The following NTRK2 variants were observed in gnomAD, a reference collection of about 807,000 sequenced individuals.
NTRK2 encodes the protein neurotrophic receptor tyrosine kinase 2.
NTRK2 carries 13 observed loss-of-function variants against 94.5 expected under a neutral mutation model. That is an observed-to-expected ratio of 0.14 (90% CI 0.09 to 0.22). The LOEUF is 0.22. NTRK2 is among the 10% of genes least tolerant of loss of function. The pLI, the probability that NTRK2 is intolerant of heterozygous loss-of-function variation, is 1.00. For missense variants in NTRK2, 639 were observed against 1,071.2 expected, an observed-to-expected ratio of 0.60 and a Z score of 5.63; for synonymous variants, 372 against 407.4, an observed-to-expected ratio of 0.91 and a Z score of 1.05.
intron 12 of NTRK2, among the ~76,000 whole-genome samples, chr9:84,760,143 T>C (rs2065422447): frequency 6.6e-6 from 1 of 152,184 alleles, no homozygotes. Context: ...GAATCAAACA[T>C]GCTTGAGTTT....
rs2077892538 is a variant in NTRK2, at chr9:84,928,269, T to C, written c.1634-5893T>C. 2.6e-5 allele frequency among the ~76,000 whole-genome samples: 4 copies of C among 152,246 alleles called. No individual in the cohort carries two copies. The South Asian group carries it at 8.3e-4, about 31-fold the overall frequency. On this transcript the variant is annotated intron_variant, in intron 14 of 18. Coordinates refer to ENST00000277120, the MANE Select transcript of NTRK2 (RefSeq NM_006180.6). ...GATTTTACCTGATTCAATATGCTGCTAATACATGAAGATATTTGGAAAATC... is the reference window on the plus strand; with the variant it reads ...GATTTTACCTGATTCAATATGCTGCCAATACATGAAGATATTTGGAAAATC...
At chr9:84,999,127 G>A (rs1830073892) in intron 17 of NTRK2, among the ~76,000 whole-genome samples, 1 of 152,218 alleles carries the variant, frequency 6.6e-6, no homozygotes, top group Non-Finnish European at 1.5e-5. Flanking sequence ...ATAGGAGGAT[G>A]AGGTTAAACA....
At chr9:84,794,602 C>T (rs78751633) in intron 12 of NTRK2, among the ~76,000 whole-genome samples, 6,463 of 152,186 alleles carry the variant, frequency 0.042, 205 homozygotes, top group South Asian at 0.12. Context: ...ATGTGCCTTG[C>T]GCAATACAGA....
chr9:84,926,186 C>CTTTCT (rs2077799852), intron 14 of NTRK2, among the ~76,000 whole-genome samples: 1 of 117,986 alleles, frequency 8.5e-6, no homozygotes, highest in Admixed American at 9.8e-5. Flanking sequence ...TTCTTTCTTT[C>CTTTCT]TTTCTTTCTT....
At chr9:84,675,878 C>T (rs1050598279) in intron 2 of NTRK2, among the ~76,000 whole-genome samples, 1 of 152,160 alleles carries the variant, frequency 6.6e-6, no homozygotes, top group Admixed American at 6.5e-5. Flanking sequence ...TCCCATATAA[C>T]TGGGTGCCTT....
intron 14 of NTRK2, among the ~76,000 whole-genome samples, chr9:84,915,853 T>C (rs1480033123): frequency 1.3e-5 from 2 of 152,180 alleles, no homozygotes; most frequent in African/African-American, 4.8e-5. Context: ...ACACTTGCTA[T>C]ATATGTGACT....
At chr9:84,980,373 A>G (rs1165069048) in intron 17 of NTRK2, among the ~76,000 whole-genome samples, 2 of 152,190 alleles carry the variant, frequency 1.3e-5, no homozygotes, top group Non-Finnish European at 2.9e-5. Context: ...CTTACTTAGG[A>G]TAAGTTCCCA....
intron 12 of NTRK2, among the ~76,000 whole-genome samples, chr9:84,755,239 G>A (rs181691544): frequency 2.0e-5 from 3 of 152,236 alleles, no homozygotes; most frequent in South Asian, 2.1e-4. Flanking sequence ...TGGATTCATC[G>A]TAAACCAAAT....
intron 17 of NTRK2, among the ~76,000 whole-genome samples, chr9:84,997,719 G>T (rs1481055163): frequency 6.6e-6 from 1 of 152,194 alleles, no homozygotes; most frequent in Non-Finnish European, 1.5e-5. Flanking sequence ...AGCAAATTTG[G>T]AAAGGAAGTG....
At chr9:84,737,999 C>T (rs2063377237) in intron 9 of NTRK2, among the ~76,000 whole-genome samples, 2 of 151,446 alleles carry the variant, frequency 1.3e-5, no homozygotes, top group Admixed American at 6.6e-5. Context: ...GGCCTTCAAC[C>T]TCTTTCAGCT....
chr9:84,714,542 G>A (rs1019845216), intron 6 of NTRK2, among the ~76,000 whole-genome samples: 1 of 152,176 alleles, frequency 6.6e-6, no homozygotes, highest in Admixed American at 6.5e-5. Flanking sequence ...GCTTAGTCAT[G>A]TATTAATTTT....
intron 2 of NTRK2, among the ~76,000 whole-genome samples, chr9:84,687,229 A>G (rs1233493710): frequency 1.3e-5 from 2 of 152,166 alleles, no homozygotes; most frequent in Non-Finnish European, 2.9e-5. Context: ...AATGGGAATT[A>G]TGGAACCAAC....
chr9:84,693,461 T>A (rs1168888641), intron 2 of NTRK2, among the ~76,000 whole-genome samples: 1 of 152,128 alleles, frequency 6.6e-6, no homozygotes, highest in East Asian at 1.9e-4. Flanking sequence ...CAGAGAGAAA[T>A]ACAGAGTGTA....
At chr9:84,717,080 A>G in intron 6 of NTRK2, among the ~76,000 whole-genome samples, 1 of 152,200 alleles carries the variant, frequency 6.6e-6, no homozygotes. Flanking sequence ...GAGAATTAAG[A>G]GATAGGTCAA....
At chr9:84,944,359 T>C (rs56091935) in intron 15 of NTRK2, among the ~76,000 whole-genome samples, 5,969 of 151,482 alleles carry the variant, frequency 0.039, 146 homozygotes, top group East Asian at 0.061. Flanking sequence ...GCCTCCTGGG[T>C]TCACGCCATT....
intron 9 of NTRK2, among the ~76,000 whole-genome samples, chr9:84,736,454 G>A (rs1259055580): frequency 6.6e-6 from 1 of 152,182 alleles, no homozygotes; most frequent in African/African-American, 2.4e-5. Flanking sequence ...TTTAGATTTG[G>A]TGTACTTAGT....
At chr9:84,821,536 G>T (rs2072831776) in intron 12 of NTRK2, among the ~76,000 whole-genome samples, 2 of 152,156 alleles carry the variant, frequency 1.3e-5, no homozygotes, top group Non-Finnish European at 2.9e-5. Flanking sequence ...TAAATAGCAA[G>T]AAGTTTTGCT....
intron 17 of NTRK2, among the ~76,000 whole-genome samples, chr9:85,018,973 T>G (rs1374187921): frequency 6.6e-6 from 1 of 152,170 alleles, no homozygotes; most frequent in Non-Finnish European, 1.5e-5. Flanking sequence ...TTTGGATGCA[T>G]CATACAGAGA....
At chr9:84,816,928 C>T (rs1300037667) in intron 12 of NTRK2, among the ~76,000 whole-genome samples, 5 of 152,132 alleles carry the variant, frequency 3.3e-5, no homozygotes, top group African/African-American at 1.2e-4. Context: ...GAGTGGCAGG[C>T]ATTTGTCACA....
Sources: allele counts gnomAD v4.1 joint callset (sites outside exome capture counted in the v4.1 genomes callset), GRCh38; gene constraint gnomAD v4.1.1; transcripts MANE v1.5; gene names NCBI Gene and HGNC (gene_info 2026-07-23, HGNC 2026-07-21).